DCAF1: variants seen among roughly 807,000 people sequenced by gnomAD.
The protein encoded by DCAF1 is DDB1 and CUL4 associated factor 1.
In DCAF1, 15 loss-of-function variants were observed where a neutral mutation model predicts 128.0. The observed-to-expected ratio is 0.12, with a 90% CI of 0.08 to 0.18. The LOEUF (loss-of-function observed/expected upper bound fraction) is 0.18. Ranked by LOEUF, DCAF1 falls within the 10% of genes least tolerant of loss-of-function variation. The pLI, the probability that DCAF1 is intolerant of heterozygous loss-of-function variation, is 1.00. For synonymous variants in DCAF1, 610 were observed against 603.0 expected (o/e 1.01, Z -0.17); for missense variants, 988 against 1,649.5 (o/e 0.60, Z 6.95).
At chr3:51,482,426 G>A (rs1198202775) in intron 3 of DCAF1, among the ~76,000 whole-genome samples, 1 of 150,902 alleles carries the variant, frequency 6.6e-6, no homozygotes, top group East Asian at 1.9e-4. Flanking sequence ...GTGACAGAGT[G>A]AGACCCTGTC....
At chr3:51,432,859 A>C in intron 10 of DCAF1, among the ~76,000 whole-genome samples, 1 of 152,292 alleles carries the variant, frequency 6.6e-6, no homozygotes, top group South Asian at 2.1e-4. Flanking sequence ...AACTAAATAA[A>C]GCTCCCAGAC....
In DCAF1 at chr3:51,398,823, G is replaced by A. The variant is rs1341966929; in HGVS notation, c.4470C>T (p.Asp1490=). ...EEVELILGDT[D]SSDNSDLEDD... ...CTTCCAAATCAGAGTTGTCAGAGCT[G>A]TCAGCTGAAAGGGAAGAAAAGGGAG... The change falls in exon 25 of 25, where the codon GAC becomes GAT. Residue 1490 remains aspartate (D), a synonymous_variant. Coordinates refer to ENST00000684031, the MANE Select transcript of DCAF1 (RefSeq NM_001387579.1). 32 of 1,584,476 alleles carry A rather than the reference G, an allele frequency of 2.0e-5. No homozygotes were observed. The Admixed American group carries it at 4.5e-4, about 22-fold the overall frequency.
At chr3:51,487,419 T>C (rs2108476398) in intron 2 of DCAF1, among the ~76,000 whole-genome samples, 1 of 152,330 alleles carries the variant, frequency 6.6e-6, no homozygotes, top group South Asian at 2.1e-4. Flanking sequence ...AAACCAACAT[T>C]GTTACATTAT....
chr3:51,442,302 G>A (rs1023463716), intron 7 of DCAF1, among the ~76,000 whole-genome samples: 6 of 152,074 alleles, frequency 3.9e-5, no homozygotes, highest in African/African-American at 1.4e-4. Context: ...ATTAGATATT[G>A]CCATGTATAT....
intron 2 of DCAF1, among the ~76,000 whole-genome samples, chr3:51,487,599 A>G (rs1197293714): frequency 2.6e-5 from 4 of 152,098 alleles, no homozygotes; most frequent in Non-Finnish European, 5.9e-5. Context: ...GACCTTGACA[A>G]TCTTGAAGAG....
intron 3 of DCAF1, among the ~76,000 whole-genome samples, chr3:51,472,208 A>G (rs1465370434): frequency 6.6e-6 from 1 of 151,854 alleles, no homozygotes; most frequent in Non-Finnish European, 1.5e-5. Flanking sequence ...TCCTGCATTA[A>G]CCTTCGGTCA....
chr3:51,437,437 T>C (rs782579319), intron 9 of DCAF1: 3 of 504,516 alleles, frequency 5.9e-6, no homozygotes, highest in South Asian at 2.9e-5. Context: ...GCAATGTAGT[T>C]GAATGAATAA....
intron 6 of DCAF1, among the ~76,000 whole-genome samples, chr3:51,454,927 C>T (rs1450649754): frequency 6.6e-6 from 1 of 152,210 alleles, no homozygotes; most frequent in Non-Finnish European, 1.5e-5. Context: ...CCCACCTCGG[C>T]CTCCCAAAGT....
chr3:51,498,595 T>A (rs1270085469), intron 1 of DCAF1, among the ~76,000 whole-genome samples: 5 of 151,914 alleles, frequency 3.3e-5, no homozygotes, highest in Non-Finnish European at 5.9e-5. Context: ...AAATAAAAAA[T>A]TTTAAAACTG....
chr3:51,438,142 T>C, intron 9 of DCAF1: 2 of 386,102 alleles, frequency 5.2e-6, no homozygotes, highest in Non-Finnish European at 1.0e-5. Context: ...TTTTTTTAAC[T>C]GTAATTTCAT....
At chr3:51,471,090 T>A in intron 3 of DCAF1, 85 bp from the exon 4 acceptor site, 1 of 842,444 alleles carries the variant, frequency 1.2e-6, no homozygotes, top group Non-Finnish European at 1.9e-6. Flanking sequence ...ACGGTCAAGG[T>A]AGAAAATAAA....
intron 4 of DCAF1, among the ~76,000 whole-genome samples, chr3:51,470,482 G>A (rs1018712950): frequency 3.3e-5 from 5 of 151,940 alleles, no homozygotes; most frequent in Admixed American, 2.0e-4. Flanking sequence ...TGGGAGGATC[G>A]TTTGAGCCAG....
rs1703800883 is a variant in DCAF1, at chr3:51,463,267, A to G, written c.262-40T>C. The G allele has an allele frequency of 2.2e-6, 3 of 1,373,376 alleles. No individual in the cohort carries two copies. The African/African-American group carries it at 4.4e-5, about 20-fold the overall frequency. The allele number at this position is 1,373,376 out of a possible 1,614,324, so 85.1% of individuals were successfully genotyped here. ...AAGAAATACTGTTCATCTAAAATTC[A>G]ACCCAGTCAAATTAAGGACATCTAA... On this transcript the variant is annotated intron_variant, in intron 5 of 24. Coordinates refer to ENST00000684031, the MANE Select transcript of DCAF1 (RefSeq NM_001387579.1).
chr3:51,450,513 C>G (rs1309847662), intron 6 of DCAF1, among the ~76,000 whole-genome samples: 2 of 152,120 alleles, frequency 1.3e-5, no homozygotes, highest in Non-Finnish European at 2.9e-5. Context: ...AGTCAATACC[C>G]TGTAATGAAA....
intron 13 of DCAF1, 37 bp downstream of exon 13, chr3:51,427,335 G>T (rs1389090994): frequency 3.1e-6 from 2 of 648,302 alleles, no homozygotes; most frequent in South Asian, 1.9e-5. Flanking sequence ...ACAAAAAGAT[G>T]CATCAAACTT....
chr3:51,505,340 C>T, the DCAF1 span, among the ~76,000 whole-genome samples: 1 of 151,994 alleles, frequency 6.6e-6, no homozygotes, highest in Non-Finnish European at 1.5e-5. Flanking sequence ...AGAAGAATGG[C>T]TTTGTTGAAT....
rs1307985100 is a variant in DCAF1 at position 51,403,303 on chromosome 3, C to T, written c.4305G>A (p.Ala1435=). The stretch of plus-strand genomic sequence containing the variant: ...CATTATTGTCGTCCTCCTCCAACTC[C>T]GCCTCCAGCAACTGGTCAGTGTCAA... ...DELDTDQLLE[A]ELEEDDNNEN... is the part of the protein sequence containing the mutation. The change falls in exon 24 of 25, where the codon GCG becomes GCA. Residue 1435 remains alanine (A), a synonymous_variant. Coordinates refer to ENST00000684031, the MANE Select transcript of DCAF1 (RefSeq NM_001387579.1). The T allele has an allele frequency of 1.0e-5, 16 of 1,585,284 alleles. No homozygotes were observed. Among genetic ancestry groups the T allele is most frequent in the East Asian group, 7.0e-5 (3 of 43,084 alleles).
intron 17 of DCAF1, among the ~76,000 whole-genome samples, chr3:51,417,381 C>T (rs988822320): frequency 6.6e-6 from 1 of 151,800 alleles, no homozygotes; most frequent in Non-Finnish European, 1.5e-5. Flanking sequence ...TTTGTGCCAC[C>T]GCACTCCAAC....
intron 9 of DCAF1, among the ~76,000 whole-genome samples, chr3:51,436,187 T>C (rs1700811845): frequency 6.6e-6 from 1 of 152,226 alleles, no homozygotes; most frequent in African/African-American, 2.4e-5. Flanking sequence ...GGAGCAATGA[T>C]GCTCAGGGAA....
Sources: gnomAD v4.1 joint callset for allele counts (sites outside exome capture counted in the v4.1 genomes callset) on GRCh38, gnomAD v4.1.1 for gene constraint, MANE v1.5 for transcripts, NCBI Gene and HGNC (gene_info 2026-07-23, HGNC 2026-07-21) for gene names.